NR3C2: variants seen among roughly 807,000 people sequenced by gnomAD.
The protein encoded by NR3C2 is nuclear receptor subfamily 3 group C member 2.
NR3C2 carries 15 observed loss-of-function variants against 86.4 expected under a neutral mutation model. That is an observed-to-expected ratio of 0.17 (90% CI 0.12 to 0.27). NR3C2 has a LOEUF of 0.27. Ranked by LOEUF, NR3C2 falls within the 10% of genes least tolerant of loss-of-function variation. The pLI is 1.00. For missense variants in NR3C2, 960 were observed against 1,195.6 expected (o/e 0.80, Z 2.91); for synonymous variants, 458 against 450.5 (o/e 1.02, Z -0.21).
At chr4:148,137,930 T>C (rs1356432984) in intron 6 of NR3C2, among the ~76,000 whole-genome samples, 2 of 152,228 alleles carry the variant, frequency 1.3e-5, no homozygotes, top group Non-Finnish European at 2.9e-5. Context: ...AAAATATTCA[T>C]GTTTTATGTT....
At chr4:148,319,152 G>C (rs1292586586) in intron 2 of NR3C2, among the ~76,000 whole-genome samples, 2 of 151,168 alleles carry the variant, frequency 1.3e-5, no homozygotes, top group East Asian at 3.9e-4. Flanking sequence ...CCCATTGCTC[G>C]TTTTTCTCAG....
chr4:148,334,082 G>A (rs1475567223), intron 2 of NR3C2, among the ~76,000 whole-genome samples: 2 of 152,188 alleles, frequency 1.3e-5, no homozygotes, highest in South Asian at 2.1e-4. Context: ...ACAACCAGAT[G>A]TCATGAAGTA....
chr4:148,315,990 T>C (rs952858429), intron 2 of NR3C2, among the ~76,000 whole-genome samples: 3 of 152,164 alleles, frequency 2.0e-5, no homozygotes, highest in African/African-American at 7.2e-5. Context: ...TTCTATAATA[T>C]GCATATTTGC....
chr4:148,266,943 G>C (rs372021659), intron 2 of NR3C2, among the ~76,000 whole-genome samples: 10 of 152,190 alleles, frequency 6.6e-5, no homozygotes, highest in Middle Eastern at 3.2e-3. Context: ...TATCTAAGAT[G>C]GGGGGAAGAG....
chr4:148,423,849 C>T (rs1243980804), intron 2 of NR3C2, among the ~76,000 whole-genome samples: 3 of 152,162 alleles, frequency 2.0e-5, no homozygotes, highest in Admixed American at 1.3e-4. Flanking sequence ...GCTGGGATTA[C>T]AGTTGCACGC....
intron 4 of NR3C2, among the ~76,000 whole-genome samples, chr4:148,156,667 G>A (rs1232197797): frequency 1.0e-4 from 15 of 145,192 alleles, no homozygotes; most frequent in African/African-American, 2.9e-4. Flanking sequence ...AGGTGCTGGA[G>A]AGGATGTGGA....
chr4:148,334,218 T>A (rs1167348363), intron 2 of NR3C2, among the ~76,000 whole-genome samples: 1 of 152,148 alleles, frequency 6.6e-6, no homozygotes, highest in Non-Finnish European at 1.5e-5. Flanking sequence ...CACAAAAAAA[T>A]TTGCTTAAAG....
intron 6 of NR3C2, among the ~76,000 whole-genome samples, chr4:148,144,002 C>T (rs1560944241): frequency 6.6e-6 from 1 of 151,312 alleles, no homozygotes; most frequent in East Asian, 1.9e-4. Context: ...AGGAAGTGTC[C>T]CCTCAGTTCT....
intron 2 of NR3C2, among the ~76,000 whole-genome samples, chr4:148,278,392 G>A (rs1369332168): frequency 1.3e-5 from 2 of 152,056 alleles, no homozygotes; most frequent in Non-Finnish European, 1.5e-5. Flanking sequence ...GAGCCACTAC[G>A]CCCAGCCCAG....
intron 6 of NR3C2, among the ~76,000 whole-genome samples, chr4:148,130,300 ATGCCAAAGCAC>A (rs1732958278): frequency 6.6e-6 from 1 of 152,220 alleles, no homozygotes. Flanking sequence ...GATTTTATAA[ATGCCAAAGCAC>A]AAAAGCTTCC....
In NR3C2 at chr4:148,362,804, AG is replaced by A. The variant is rs1745904504; in HGVS notation, c.1757+72299del. 2.6e-5 allele frequency among the ~76,000 whole-genome samples: 4 copies of A among 151,850 alleles called. No homozygotes were observed. In the South Asian group the frequency reaches 6.3e-4, roughly 24 times the overall value. On this transcript the variant is annotated intron_variant, in intron 2 of 8. Transcript: ENST00000358102. ...CTATAATAGGAAAACCTGACTGCAG[AG>A]GGGTGGGTAAAGGAGAGAGGGAAGG...
At chr4:148,305,489 G>T (rs1259986780) in intron 2 of NR3C2, among the ~76,000 whole-genome samples, 1 of 148,856 alleles carries the variant, frequency 6.7e-6, no homozygotes, top group African/African-American at 2.5e-5. Context: ...GCACTGTGTT[G>T]CAGAACTAAT....
At chr4:148,205,722 A>G (rs1272531493) in intron 3 of NR3C2, among the ~76,000 whole-genome samples, 2 of 152,220 alleles carry the variant, frequency 1.3e-5, no homozygotes, top group African/African-American at 4.8e-5. Context: ...CGGCACATGA[A>G]TAAGTGCTAA....
chr4:148,081,744 A>C (rs960142477), intron 8 of NR3C2, among the ~76,000 whole-genome samples: 3 of 152,184 alleles, frequency 2.0e-5, no homozygotes, highest in African/African-American at 7.2e-5. Flanking sequence ...TGAGCACTGA[A>C]TGTATGAGCT....
chr4:148,137,597 C>A (rs529185020), intron 6 of NR3C2, among the ~76,000 whole-genome samples: 1 of 152,150 alleles, frequency 6.6e-6, no homozygotes, highest in Non-Finnish European at 1.5e-5. Context: ...CAGATCCAGA[C>A]CTTGAAGTGA....
At chr4:148,376,428 G>T (rs1226329179) in intron 2 of NR3C2, among the ~76,000 whole-genome samples, 1 of 152,146 alleles carries the variant, frequency 6.6e-6, no homozygotes, top group East Asian at 1.9e-4. Context: ...TTCAAATATT[G>T]TAGAAAGAAA....
rs534386696 is a variant in NR3C2, at chr4:148,406,008, T to A, written c.1757+29096A>T. On this transcript the variant is annotated intron_variant, in intron 2 of 8. Coordinates refer to ENST00000358102, the MANE Select transcript of NR3C2 (RefSeq NM_000901.5). Reference sequence around the variant, plus strand: ...AGGGTTTTGGGTTTTTAAAAAAAAATTTTTAAATTTAGCCAGGTGCAATGG... The same window carrying A: ...AGGGTTTTGGGTTTTTAAAAAAAAAATTTTAAATTTAGCCAGGTGCAATGG... Among the ~76,000 whole-genome samples, 134 of 152,062 alleles carry A rather than the reference T, an allele frequency of 8.8e-4. 1 individual carries two copies. In the South Asian group the frequency reaches 0.012, roughly 13 times the overall value.
At chr4:148,434,383 TAAATA>T (rs1749936755) in intron 2 of NR3C2, among the ~76,000 whole-genome samples, 1 of 152,210 alleles carries the variant, frequency 6.6e-6, no homozygotes, top group Non-Finnish European at 1.5e-5. Flanking sequence ...TATTTTACAG[TAAATA>T]AAATATGTCT....
intron 2 of NR3C2, among the ~76,000 whole-genome samples, chr4:148,400,778 CAAAAAAAAAAAAAAAA>C (rs34623514): frequency 3.6e-5 from 3 of 84,424 alleles, no homozygotes; most frequent in African/African-American, 4.5e-5. Context: ...GACTCCGTCT[CAAAAAAAAAAAAAAAA>C]AAAAAAAAAG....
Sources: gnomAD v4.1 joint callset for allele counts (sites outside exome capture counted in the v4.1 genomes callset) on GRCh38, gnomAD v4.1.1 for gene constraint, MANE v1.5 for transcripts, NCBI Gene and HGNC (gene_info 2026-07-23, HGNC 2026-07-21) for gene names.